MACF1: variants seen among roughly 807,000 people sequenced by gnomAD.
MACF1 encodes the protein microtubule actin crosslinking factor 1.
MACF1 carries 193 observed loss-of-function variants against 854.8 expected under a neutral mutation model. The observed-to-expected ratio is 0.23, with a 90% CI of 0.20 to 0.25. MACF1 has a LOEUF of 0.25. MACF1 is among the 10% of genes least tolerant of loss of function. The pLI, the probability that MACF1 is intolerant of heterozygous loss-of-function variation, is 1.00. For missense variants in MACF1, 7,722 were observed against 8,929.1 expected (o/e 0.86, Z 5.45); for synonymous variants, 3,185 against 3,226.7 (o/e 0.99, Z 0.44).
At chr1:39,213,148 A>C (rs900448529) in intron 1 of MACF1, among the ~76,000 whole-genome samples, 9 of 152,212 alleles carry the variant, frequency 5.9e-5, no homozygotes, top group African/African-American at 2.2e-4. Context: ...TGGAAATGAT[A>C]ATATCTTTCT....
chr1:39,340,526 C>A lies in MACF1; in HGVS notation c.10240C>A (p.Leu3414Met), dbSNP rs1204205506. ...GGTATTAGAAAGGGAGTTAAAGGATCTGACCACCTTGGTCAGTCAGGAGCT... is the reference window on the plus strand; with the variant it reads ...GGTATTAGAAAGGGAGTTAAAGGATATGACCACCTTGGTCAGTCAGGAGCT... ...AKVLERELKD[L>M]TTLVSQELEC... Residue 3414 changes from leucine (L) to methionine (M), a missense_variant, in exon 39 of 101, where the codon CTG (leucine) becomes ATG (methionine). Around this residue, in one of 15 missense-constraint regions of MACF1, gnomAD observed 854 missense variants for 852.6 expected, o/e 1.00. Coordinates refer to ENST00000564288, the MANE Select transcript of MACF1 (RefSeq NM_001394062.1). 1 of 1,613,750 alleles carries A rather than the reference C, an allele frequency of 6.2e-7. No individual in the cohort carries two copies. The highest frequency in any genetic ancestry group is 2.2e-5 in the East Asian group (1 of 44,882).
At chr1:39,180,222 C>T (rs563595825) in intron 2 of MACF1, among the ~76,000 whole-genome samples, 30 of 152,150 alleles carry the variant, frequency 2.0e-4, no homozygotes, top group African/African-American at 7.0e-4. Context: ...AACCAGATTG[C>T]AAGATACAAG....
At chr1:39,291,880 T>G in intron 15 of MACF1, 30 bp from the exon 16 acceptor site, 1 of 1,601,206 alleles carries the variant, frequency 6.2e-7, no homozygotes. Flanking sequence ...AGCAGTAAAT[T>G]ATGTCATATA....
chr1:39,407,881 G>T (rs1181549927), intron 58 of MACF1, among the ~76,000 whole-genome samples: 1 of 152,166 alleles, frequency 6.6e-6, no homozygotes, highest in East Asian at 1.9e-4. Context: ...TAAAATCAGA[G>T]AATGGCCATC....
At chr1:39,410,403 G>A (rs1331009507) in intron 58 of MACF1, 3 of 1,614,022 alleles carry the variant, frequency 1.9e-6, no homozygotes, top group Admixed American at 1.7e-5. Context: ...GGATAAATGA[G>A]CAAATTGACC....
chr1:39,236,559 C>T (rs1571208097), intron 2 of MACF1, among the ~76,000 whole-genome samples: 1 of 152,186 alleles, frequency 6.6e-6, no homozygotes, highest in African/African-American at 2.4e-5. Context: ...CATGGTGTAT[C>T]TTTCAGCTAT....
At chr1:39,389,077 T>C (rs1340668256) in intron 58 of MACF1, among the ~76,000 whole-genome samples, 4 of 151,722 alleles carry the variant, frequency 2.6e-5, no homozygotes, top group Non-Finnish European at 5.9e-5. Flanking sequence ...GGTTTCACCA[T>C]GTCTCCCAGG....
chr1:39,416,042 A>G (rs1244986554), intron 58 of MACF1, among the ~76,000 whole-genome samples: 2 of 152,210 alleles, frequency 1.3e-5, no homozygotes, highest in Admixed American at 6.5e-5. Context: ...GGCAGCCTTA[A>G]GTCAGCTAGA....
At chr1:39,102,038 A>C (rs1007174107) in intron 2 of MACF1, among the ~76,000 whole-genome samples, 5 of 138,090 alleles carry the variant, frequency 3.6e-5, no homozygotes, top group Middle Eastern at 4.6e-3. Flanking sequence ...TAGCCGGGCG[A>C]GGTGGCGGGC....
In MACF1 at chr1:39,361,664, T is replaced by C. The variant is rs745877654; in HGVS notation, c.12758T>C (p.Phe4253Ser). The C allele has an allele frequency of 1.9e-6, 3 of 1,614,038 alleles. No individual in the cohort carries two copies. In the East Asian group the frequency reaches 6.7e-5, roughly 36 times the overall value. Residue 4253 changes from phenylalanine (F) to serine (S), a missense_variant, in exon 49 of 101, where the codon TTC becomes TCC. By Grantham distance (155) the Phe-to-Ser change is radical. Around this residue, in one of 15 missense-constraint regions of MACF1, gnomAD observed 2,807 missense variants for 3,235.8 expected, o/e 0.87. Coordinates refer to ENST00000564288, the MANE Select transcript of MACF1 (RefSeq NM_001394062.1). The stretch of plus-strand genomic sequence containing the variant: ...CCAGATCAAGATATTACACATTTCT[T>C]CCAACAGATCCAGGTGAGGATATAT... ...NQPDQDITHFFQQIQELNLEM... is the reference protein window; with the variant it reads ...NQPDQDITHFSQQIQELNLEM...
intron 68 of MACF1, among the ~76,000 whole-genome samples, chr1:39,433,755 C>T (rs973540534): frequency 6.6e-6 from 1 of 152,032 alleles, no homozygotes; most frequent in Non-Finnish European, 1.5e-5. Flanking sequence ...ATCGTAGCCC[C>T]TTAGATGTTC....
intron 4 of MACF1, among the ~76,000 whole-genome samples, chr1:39,253,218 C>T (rs550102339): frequency 6.6e-6 from 1 of 152,214 alleles, no homozygotes; most frequent in African/African-American, 2.4e-5. Context: ...GGACGGGGTA[C>T]CAGAGGCACT....
intron 41 of MACF1, among the ~76,000 whole-genome samples, chr1:39,347,883 A>G (rs1259892714): frequency 1.3e-5 from 2 of 152,304 alleles, no homozygotes; most frequent in African/African-American, 2.4e-5. Context: ...CCATCCTACC[A>G]TCTTCCATCA....
At chr1:39,268,582 C>T (rs144200545) in intron 6 of MACF1, 21 of 1,180,324 alleles carry the variant, frequency 1.8e-5, no homozygotes, top group South Asian at 1.5e-4. Context: ...GAGGGATTGC[C>T]GGCATAGTGC....
In MACF1 at chr1:39,291,357, G is replaced by A. The variant is rs556797690; in HGVS notation, c.1786-553G>A. Among the ~76,000 whole-genome samples, 93 of 152,260 alleles carry A rather than the reference G, an allele frequency of 6.1e-4. 1 individual carries two copies. The highest frequency in any genetic ancestry group is 2.0e-3 in the African/African-American group (82 of 41,556). ...TATTTACATGTGTTCAATGATAGTG[G>A]TTCAAATTTGATATTGCCCTTATCT... is the stretch of plus-strand genomic sequence containing the variant. On this transcript the variant is annotated intron_variant, in intron 15 of 100. Transcript: ENST00000564288.
chr1:39,411,055 A>G (rs770565206), intron 58 of MACF1: 2 of 1,613,750 alleles, frequency 1.2e-6, no homozygotes, highest in African/African-American at 1.3e-5. Context: ...GAGGGCCACA[A>G]AAAGTTTAGC....
At chr1:39,437,696 T>C (rs1644011841) in intron 70 of MACF1, 81 bp from the exon 71 acceptor site, 1 of 1,059,152 alleles carries the variant, frequency 9.4e-7, no homozygotes, top group Non-Finnish European at 1.5e-6. Flanking sequence ...AGTAGGATAA[T>C]ATCTTGTCCT....
rs150273938 is a variant in MACF1 at position 39,360,951 on chromosome 1, G to T, written c.12403G>T (p.Val4135Leu). ...TGAACAAAACCTGGAAGGGAAGCAG[G>T]TGTCATCACTCTCATCAGGAGTCAT... ...EVEQNLEGKQ[V>L]SSLSSGVIQE... The change falls in exon 48 of 101, where the codon GTG (valine) becomes TTG (leucine). Residue 4135 changes from valine to leucine, a missense_variant. This residue lies in a region of MACF1 where 2,807 missense variants were observed against 3,235.8 expected (regional missense o/e 0.87). Coordinates refer to ENST00000564288, the MANE Select transcript of MACF1 (RefSeq NM_001394062.1). The T allele has an allele frequency of 4.9e-5, 79 of 1,613,978 alleles. No homozygotes were observed. Among genetic ancestry groups the T allele is most frequent in the Non-Finnish European group, 6.1e-5 (72 of 1,180,042 alleles).
chr1:39,289,798 T>G (rs376597866), intron 15 of MACF1, among the ~76,000 whole-genome samples: 10 of 145,712 alleles, frequency 6.9e-5, no homozygotes, highest in African/African-American at 2.5e-4. Context: ...ACCTTTGGAT[T>G]CTAAGCAATT....
Sources: gnomAD v4.1 joint callset for allele counts (sites outside exome capture counted in the v4.1 genomes callset) on GRCh38, gnomAD v4.1.1 for gene constraint, gnomAD v4.1.1 regional missense constraint, MANE v1.5 for transcripts, NCBI Gene and HGNC (gene_info 2026-07-23, HGNC 2026-07-21) for gene names.